The following ADAM19 variants were observed in gnomAD, a reference collection of about 807,000 sequenced individuals.
The protein encoded by ADAM19 is disintegrin and metalloproteinase domain-containing protein 19.
ADAM19 carries 65 observed loss-of-function variants against 114.7 expected under a neutral mutation model. That is an observed-to-expected ratio of 0.57 (90% CI 0.46 to 0.70). The LOEUF (loss-of-function observed/expected upper bound fraction) is 0.70. ADAM19 is among the 30% of genes least tolerant of loss of function. The probability of loss-of-function intolerance (pLI) is 0.00; values close to 1 mark genes in which losing one functional copy is unlikely to be tolerated. For missense variants in ADAM19, 1,063 were observed against 1,204.7 expected (o/e 0.88, Z 1.74); for synonymous variants, 466 against 460.5 (o/e 1.01, Z -0.15).
rs1305702217 is a variant in ADAM19, at chr5:157,478,059, C to T, written c.*2890G>A. 5.2e-6 allele frequency: 1 copy of T among 194,134 alleles called. No homozygotes were observed. The highest frequency in any genetic ancestry group is 1.1e-5 in the Non-Finnish European group (1 of 92,016). The allele number at this position is 194,134 out of a possible 1,614,324, so 12.0% of individuals were successfully genotyped here. On this transcript the variant is annotated 3_prime_UTR_variant, in exon 23 of 23. Transcript: ENST00000257527. ...GACAGGGAGACAGGGCACTAAATCC[C>T]TTGAGGTTTGTTTTAGAGATGGCTC...
intron 8 of ADAM19, among the ~76,000 whole-genome samples, chr5:157,510,113 T>A (rs1755870500): frequency 1.3e-5 from 2 of 152,380 alleles, no homozygotes; most frequent in South Asian, 4.1e-4. Context: ...AGGTATAATT[T>A]GCATACCATA....
intron 21 of ADAM19, among the ~76,000 whole-genome samples, chr5:157,487,269 C>G (rs965282537): frequency 2.0e-5 from 3 of 152,122 alleles, no homozygotes; most frequent in African/African-American, 7.2e-5. Context: ...ATTTTTCCAT[C>G]CTACCTCTGC....
intron 3 of ADAM19, among the ~76,000 whole-genome samples, chr5:157,542,870 C>T (rs1021825491): frequency 6.6e-6 from 1 of 152,206 alleles, no homozygotes; most frequent in Non-Finnish European, 1.5e-5. Context: ...GGCCTGTCTA[C>T]GGTTCTCTGG....
At chr5:157,540,997 TCAGA>T (rs1756900800) in intron 3 of ADAM19, among the ~76,000 whole-genome samples, 2 of 152,136 alleles carry the variant, frequency 1.3e-5, no homozygotes, top group South Asian at 4.1e-4. Flanking sequence ...GACTCATGAA[TCAGA>T]CAGAAACTCT....
chr5:157,514,311 G>A (rs545268756), intron 7 of ADAM19, among the ~76,000 whole-genome samples: 2 of 151,456 alleles, frequency 1.3e-5, no homozygotes, highest in South Asian at 2.1e-4. Flanking sequence ...AGACTGCATC[G>A]ATTCAATCAC....
chr5:157,563,041 C>A (rs1358982342), intron 3 of ADAM19, among the ~76,000 whole-genome samples: 1 of 152,004 alleles, frequency 6.6e-6, no homozygotes, highest in African/African-American at 2.4e-5. Context: ...AAAGGCAGGC[C>A]CCCGAGAGAC....
intron 2 of ADAM19, 89 bp downstream of exon 2, chr5:157,570,806 G>T: frequency 8.8e-7 from 1 of 1,140,964 alleles, no homozygotes; most frequent in Non-Finnish European, 1.3e-6. Flanking sequence ...AACTAATGGT[G>T]ATGACTGGGA....
At chr5:157,556,997 A>C (rs77116841) in intron 3 of ADAM19, among the ~76,000 whole-genome samples, 18,695 of 151,682 alleles carry the variant, frequency 0.12, 1,200 homozygotes, top group Middle Eastern at 0.25. Flanking sequence ...CCTCCCACTA[A>C]AGCTTCCTGA....
At chr5:157,556,080 C>T (rs1488891805) in intron 3 of ADAM19, among the ~76,000 whole-genome samples, 6 of 152,114 alleles carry the variant, frequency 3.9e-5, no homozygotes, top group Non-Finnish European at 5.9e-5. Flanking sequence ...CTCGCTCTGT[C>T]GCTGAGGCTG....
Position 157,570,911 on chromosome 5 carries a change from C to A in ADAM19, c.164G>T (p.Ser55Ile). 6.2e-7 allele frequency: 1 copy of A among 1,614,128 alleles called. No homozygotes were observed. Among genetic ancestry groups the A allele is most frequent in the Non-Finnish European group, 8.5e-7 (1 of 1,179,998 alleles). Reference sequence around the variant, plus strand: ...GAGTCTTACCTTTTCTCTCACGGGGCTTTCTGAAGTCTTCCACTGAGGTAT... The same window carrying A: ...GAGTCTTACCTTTTCTCTCACGGGGATTTCTGAAGTCTTCCACTGAGGTAT... ...LIIPQWKTSESPVREKHPLKA... is the reference protein window; with the variant it reads ...LIIPQWKTSEIPVREKHPLKA... The change falls in exon 2 of 23, where the codon AGC becomes ATC. Residue 55 changes from serine to isoleucine, a missense_variant. Transcript: ENST00000257527.
rs1273138546 is a variant in ADAM19, at chr5:157,494,801, T to G, written c.1595-6A>C. On this transcript the variant is annotated splice_region_variant and splice_polypyrimidine_tract_variant and intron_variant, in intron 14 of 22. Transcript: ENST00000257527. ...GTCAGGGGCAGGTCGGGCTCCTGGG[T>G]GGGCAAGCAACATCTATCAGTATAC... 5 of 1,612,454 alleles carry G rather than the reference T, an allele frequency of 3.1e-6. No individual in the cohort carries two copies. In the African/African-American group the frequency reaches 6.7e-5, roughly 22 times the overall value.
intron 15 of ADAM19, among the ~76,000 whole-genome samples, chr5:157,494,166 A>AGATG (rs34885698): frequency 4.6e-5 from 7 of 151,338 alleles, no homozygotes; most frequent in South Asian, 2.1e-4. Flanking sequence ...ATGGACGGAC[A>AGATG]GATGGATGGA....
chr5:157,523,017 C>T (rs1255133736), intron 5 of ADAM19, among the ~76,000 whole-genome samples: 1 of 152,134 alleles, frequency 6.6e-6, no homozygotes, highest in African/African-American at 2.4e-5. Flanking sequence ...ATTTCATTCC[C>T]ACATCATCAT....
chr5:157,559,129 G>A (rs1488688938), intron 3 of ADAM19, among the ~76,000 whole-genome samples: 1 of 152,188 alleles, frequency 6.6e-6, no homozygotes, highest in African/African-American at 2.4e-5. Flanking sequence ...GACAATTGCT[G>A]TTCCCCAGGT....
At chr5:157,516,989 A>T (rs1467039685) in intron 7 of ADAM19, among the ~76,000 whole-genome samples, 2 of 152,124 alleles carry the variant, frequency 1.3e-5, no homozygotes, top group Non-Finnish European at 2.9e-5. Context: ...ACCAATATCA[A>T]CATCAGTTAA....
intron 13 of ADAM19, among the ~76,000 whole-genome samples, chr5:157,498,080 C>T (rs1377295855): frequency 6.6e-6 from 1 of 152,186 alleles, no homozygotes; most frequent in Non-Finnish European, 1.5e-5. Context: ...AAACCAGATG[C>T]CGTGCACATT....
intron 22 of ADAM19, chr5:157,481,419 G>T (rs1754742346): frequency 1.6e-6 from 1 of 630,412 alleles, no homozygotes; most frequent in Admixed American, 3.0e-5. Flanking sequence ...CAGGCCAGGT[G>T]GCTTCTACTA....
chr5:157,527,184 G>A (rs773086420), intron 5 of ADAM19, among the ~76,000 whole-genome samples: 1 of 152,040 alleles, frequency 6.6e-6, no homozygotes, highest in Non-Finnish European at 1.5e-5. Flanking sequence ...CAGGAGAGAG[G>A]GAGCACAAGG....
intron 21 of ADAM19, among the ~76,000 whole-genome samples, chr5:157,484,962 C>T (rs1754886805): frequency 6.6e-6 from 1 of 152,258 alleles, no homozygotes; most frequent in Non-Finnish European, 1.5e-5. Context: ...GATGATCCAA[C>T]TCAGCCCTAC....
Sources: gnomAD v4.1 joint callset for allele counts (sites outside exome capture counted in the v4.1 genomes callset) on GRCh38, gnomAD v4.1.1 for gene constraint, MANE v1.5 for transcripts, NCBI Gene and HGNC (gene_info 2026-07-23, HGNC 2026-07-21) for gene names.